Variants in NAV3 observed in about 807,000 individuals in gnomAD.
The protein encoded by NAV3 is pore membrane and/or filament interacting like protein 1.
NAV3 carries 87 observed loss-of-function variants against 244.7 expected under a neutral mutation model. The ratio of observed to expected loss-of-function variants is 0.36; its 90% CI spans 0.30 to 0.42. The LOEUF (loss-of-function observed/expected upper bound fraction) is 0.42. Among genes scored for constraint, NAV3 ranks in the 20% least tolerant of loss-of-function variants. The probability of loss-of-function intolerance (pLI) is 1.00; values close to 1 mark genes in which losing one functional copy is unlikely to be tolerated. For missense variants in NAV3, 2,663 were observed against 2,893.3 expected, an observed-to-expected ratio of 0.92 and a Z score of 1.83; for synonymous variants, 1,126 against 1,042.2, an observed-to-expected ratio of 1.08 and a Z score of -1.55.
At chr12:77,867,621 T>G (rs111864477) in intron 1 of NAV3, among the ~76,000 whole-genome samples, 1 of 152,052 alleles carries the variant, frequency 6.6e-6, no homozygotes, top group South Asian at 2.1e-4. Flanking sequence ...GGGGTTTCAC[T>G]GTGTTAGCCA....
At chr12:77,626,062 C>G (rs550674188) in intron 2 of NAV3, among the ~76,000 whole-genome samples, 1 of 151,936 alleles carries the variant, frequency 6.6e-6, no homozygotes, top group Non-Finnish European at 1.5e-5. Context: ...AAAAACAACT[C>G]GTGATCTAAA....
intron 2 of NAV3, among the ~76,000 whole-genome samples, chr12:77,765,542 C>T (rs558397729): frequency 6.6e-6 from 1 of 152,174 alleles, no homozygotes; most frequent in East Asian, 1.9e-4. Context: ...GATTTTTAAG[C>T]TATTTATCAG....
rs755938067 is a variant in NAV3 at position 77,940,340 on chromosome 12, C to T, written c.265C>T (p.His89Tyr). The T allele has an allele frequency of 2.5e-6, 4 of 1,613,810 alleles. No individual in the cohort carries two copies. Among genetic ancestry groups the T allele is most frequent in the South Asian group, 1.1e-5 (1 of 91,070 alleles). ...ACAGATTTACACTGACTGGGCCAACCACTACCTAGCAAAATCAGGCCACAA... is the reference window on the plus strand; with the variant it reads ...ACAGATTTACACTGACTGGGCCAACTACTACCTAGCAAAATCAGGCCACAA... Reference protein sequence around the residue: ...DSKIYTDWANHYLAKSGHKRL... With the variant: ...DSKIYTDWANYYLAKSGHKRL... Residue 89 changes from histidine to tyrosine, a missense_variant, in exon 2 of 40, where the codon CAC (histidine) becomes TAC (tyrosine). His to Tyr is a moderately conservative substitution (Grantham distance 83). Around this residue, in one of 6 missense-constraint regions of NAV3, gnomAD observed 1,521 missense variants for 1,497.0 expected, o/e 1.02. Transcript: ENST00000397909.
chr12:77,784,242 T>C (rs1157913279), intron 2 of NAV3, among the ~76,000 whole-genome samples: 1 of 152,122 alleles, frequency 6.6e-6, no homozygotes, highest in East Asian at 1.9e-4. Flanking sequence ...GCTGCAAATA[T>C]GATGTCCCCT....
At chr12:78,185,151 G>A (rs540057033) in intron 30 of NAV3, among the ~76,000 whole-genome samples, 2 of 151,728 alleles carry the variant, frequency 1.3e-5, no homozygotes, top group African/African-American at 2.4e-5. Context: ...TGTGTCAAAT[G>A]CTTGAAAATA....
intron 6 of NAV3, among the ~76,000 whole-genome samples, chr12:77,997,143 C>T (rs560529646): frequency 6.8e-6 from 1 of 146,706 alleles, no homozygotes; most frequent in Non-Finnish European, 1.5e-5. Context: ...GAGGCTGAGG[C>T]AGGAGAATCG....
At chr12:77,687,770 C>T (rs969360697) in intron 2 of NAV3, among the ~76,000 whole-genome samples, 4 of 152,064 alleles carry the variant, frequency 2.6e-5, no homozygotes, top group Non-Finnish European at 5.9e-5. Flanking sequence ...AATGGCAATG[C>T]CTCTCTTGAA....
intron 2 of NAV3, among the ~76,000 whole-genome samples, chr12:77,756,649 G>A (rs1476463129): frequency 1.3e-5 from 2 of 151,874 alleles, no homozygotes; most frequent in Admixed American, 6.6e-5. Flanking sequence ...CTTTTGAGAT[G>A]GAATATTTTA....
chr12:78,093,220 G>A (rs1409016494), intron 12 of NAV3, among the ~76,000 whole-genome samples: 1 of 152,130 alleles, frequency 6.6e-6, no homozygotes. Flanking sequence ...TTCAGGTGTA[G>A]GTTTTACATA....
chr12:77,847,114 T>A (rs1876766041), intron 1 of NAV3, among the ~76,000 whole-genome samples: 1 of 152,132 alleles, frequency 6.6e-6, no homozygotes, highest in Non-Finnish European at 1.5e-5. Flanking sequence ...AGTATGCTTC[T>A]CCTCTGTAAG....
intron 2 of NAV3, among the ~76,000 whole-genome samples, chr12:77,623,209 A>C (rs867610044): frequency 2.0e-5 from 3 of 152,210 alleles, no homozygotes; most frequent in Admixed American, 1.3e-4. Flanking sequence ...ACTGAAAAAA[A>C]ATTGATTTTT....
intron 2 of NAV3, among the ~76,000 whole-genome samples, chr12:77,742,562 A>G (rs1329709913): frequency 6.6e-6 from 1 of 152,118 alleles, no homozygotes; most frequent in African/African-American, 2.4e-5. Context: ...ATATGTAGAT[A>G]CTAGTCTATT....
At chr12:78,023,372 T>C (rs1427240363) in intron 9 of NAV3, among the ~76,000 whole-genome samples, 2 of 152,236 alleles carry the variant, frequency 1.3e-5, no homozygotes, top group Non-Finnish European at 2.9e-5. Context: ...TTTAACATTC[T>C]GATTTTTAAT....
intron 2 of NAV3, among the ~76,000 whole-genome samples, chr12:77,676,821 C>A (rs1874228932): frequency 1.3e-5 from 2 of 151,900 alleles, no homozygotes; most frequent in Admixed American, 6.6e-5. Flanking sequence ...GGAGAAAAGG[C>A]CCCCTCCCCT....
intron 1 of NAV3, among the ~76,000 whole-genome samples, chr12:77,870,014 T>G (rs1374456793): frequency 6.6e-6 from 1 of 152,164 alleles, no homozygotes; most frequent in Non-Finnish European, 1.5e-5. Flanking sequence ...GTCTACAAAA[T>G]TTACCAAGGA....
intron 16 of NAV3, among the ~76,000 whole-genome samples, chr12:78,123,547 C>A (rs1955772589): frequency 6.6e-6 from 1 of 151,866 alleles, no homozygotes; most frequent in African/African-American, 2.4e-5. Flanking sequence ...AAAAACAAAA[C>A]CCAGAGCAAA....
chr12:77,736,535 C>A (rs1877341617), intron 2 of NAV3, among the ~76,000 whole-genome samples: 1 of 152,152 alleles, frequency 6.6e-6, no homozygotes, highest in South Asian at 2.1e-4. Context: ...GCGATGTAAT[C>A]CCAAAGCCTC....
chr12:78,185,651 A>G lies in NAV3; in HGVS notation c.5743A>G (p.Ser1915Gly). Residue 1915 changes from serine (S) to glycine (G), a missense_variant, in exon 31 of 40, where the codon AGT becomes GGT. Ser to Gly is a moderately conservative substitution (Grantham distance 56). Coordinates refer to ENST00000397909, the MANE Select transcript of NAV3 (RefSeq NM_001024383.2). ...GDATGHKDGR[S>G]VKIIVSISKG... ...TGCAACTGGACATAAAGATGGCCGC[A>G]GTGTGAAAATTATAGTCTCCATAAG... The G allele has an allele frequency of 6.2e-7, 1 of 1,608,624 alleles. No homozygotes were observed. The highest frequency in any genetic ancestry group is 8.5e-7 in the Non-Finnish European group (1 of 1,177,446).
intron 12 of NAV3, among the ~76,000 whole-genome samples, chr12:78,090,686 T>C (rs1469688631): frequency 2.0e-5 from 3 of 152,082 alleles, no homozygotes; most frequent in African/African-American, 7.2e-5. Context: ...ATATTTTAAG[T>C]TTTTCAGGAA....
Sources: gnomAD v4.1 joint callset for allele counts (sites outside exome capture counted in the v4.1 genomes callset) on GRCh38, gnomAD v4.1.1 for gene constraint, gnomAD v4.1.1 regional missense constraint, MANE v1.5 for transcripts, NCBI Gene and HGNC (gene_info 2026-07-23, HGNC 2026-07-21) for gene names.